ZNF804B: variants seen among roughly 807,000 people sequenced by gnomAD.
ZNF804B encodes the protein zinc finger protein 804B, also known as zinc finger 804B.
ZNF804B carries 80 observed loss-of-function variants against 101.4 expected under a neutral mutation model. That is an observed-to-expected ratio of 0.79 (90% CI 0.66 to 0.95). The LOEUF is 0.95. Ranked by LOEUF, ZNF804B falls within the 40% of genes least tolerant of loss-of-function variation. The pLI is 0.00. For synonymous variants in ZNF804B, 622 were observed against 558.8 expected, an observed-to-expected ratio of 1.11 and a Z score of -1.59; for missense variants, 1,673 against 1,561.9, an observed-to-expected ratio of 1.07 and a Z score of -1.20.
chr7:89,069,919 T>C (rs910261339), intron 1 of ZNF804B, among the ~76,000 whole-genome samples: 9 of 152,336 alleles, frequency 5.9e-5, no homozygotes, highest in South Asian at 2.1e-4. Context: ...AAATGAGATA[T>C]GCATGAAAGC....
rs137945473 is a variant in ZNF804B at position 89,094,843 on chromosome 7, T to G, written c.109-123312T>G. Reference sequence around the variant, plus strand: ...TTGCCTTACCGTGTCAGGATTTGATTCAATTAAAACTGATTGAGTAACTTT... The same window carrying G: ...TTGCCTTACCGTGTCAGGATTTGATGCAATTAAAACTGATTGAGTAACTTT... On this transcript the variant is annotated intron_variant, in intron 1 of 3. Transcript: ENST00000333190. Among the ~76,000 whole-genome samples the G allele has an allele frequency of 7.2e-5, 11 of 152,344 alleles. No homozygotes were observed. In the East Asian group the frequency reaches 2.1e-3, roughly 29 times the overall value.
chr7:89,241,586 T>C (rs992258333), intron 2 of ZNF804B, among the ~76,000 whole-genome samples: 1 of 152,164 alleles, frequency 6.6e-6, no homozygotes, highest in Non-Finnish European at 1.5e-5. Context: ...CTAGTTAAAA[T>C]AAATGCTGTC....
chr7:89,230,628 T>G (rs1789178110), intron 2 of ZNF804B, among the ~76,000 whole-genome samples: 1 of 152,098 alleles, frequency 6.6e-6, no homozygotes, highest in African/African-American at 2.4e-5. Flanking sequence ...CATGCACTAA[T>G]ATAGTCAACT....
chr7:89,036,072 A>G (rs1788922744), intron 1 of ZNF804B, among the ~76,000 whole-genome samples: 1 of 148,758 alleles, frequency 6.7e-6, no homozygotes, highest in African/African-American at 2.4e-5. Flanking sequence ...AACAAAACAC[A>G]GTATGTGGTA....
In ZNF804B at chr7:88,970,367, C is replaced by T. The variant is rs149081406; in HGVS notation, c.108+210283C>T. Among the ~76,000 whole-genome samples the T allele has an allele frequency of 4.8e-4, 71 of 148,138 alleles. No individual in the cohort carries two copies. In the East Asian group the frequency reaches 0.015, roughly 31 times the overall value. ...ATGCCCCCCCCCCACCCCCACAACC[C>T]TCTACACTGTTGTATTATAATTTTG... On this transcript the variant is annotated intron_variant, in intron 1 of 3. Transcript: ENST00000333190.
At chr7:89,251,219 G>T (rs879442997) in intron 2 of ZNF804B, among the ~76,000 whole-genome samples, 1 of 152,010 alleles carries the variant, frequency 6.6e-6, no homozygotes, top group Non-Finnish European at 1.5e-5. Flanking sequence ...AAGGTTCTTG[G>T]AACACATAAA....
At chr7:89,227,508 A>G (rs1037949729) in intron 2 of ZNF804B, among the ~76,000 whole-genome samples, 1 of 152,262 alleles carries the variant, frequency 6.6e-6, no homozygotes, top group Non-Finnish European at 1.5e-5. Context: ...GAAAGTGAAC[A>G]TATAAAATAT....
At chr7:88,897,497 T>G (rs1158683808) in intron 1 of ZNF804B, among the ~76,000 whole-genome samples, 1 of 149,870 alleles carries the variant, frequency 6.7e-6, no homozygotes, top group Non-Finnish European at 1.5e-5. Context: ...ATTCCAGAAA[T>G]GTAGGGGATT....
chr7:89,147,598 C>T (rs1452924888), intron 1 of ZNF804B, among the ~76,000 whole-genome samples: 1 of 151,956 alleles, frequency 6.6e-6, no homozygotes, highest in Non-Finnish European at 1.5e-5. Flanking sequence ...CAGTCTGTTG[C>T]CTGTTAGGAA....
At chr7:89,125,494 AAC>A (rs1482950126) in intron 1 of ZNF804B, among the ~76,000 whole-genome samples, 3 of 152,030 alleles carry the variant, frequency 2.0e-5, no homozygotes, top group Non-Finnish European at 2.9e-5. Context: ...AAAAAATTCT[AAC>A]AGTCTTAGCC....
chr7:89,332,159 A>G (rs1584129933), intron 3 of ZNF804B, among the ~76,000 whole-genome samples: 1 of 151,892 alleles, frequency 6.6e-6, no homozygotes, highest in Admixed American at 6.6e-5. Flanking sequence ...CAATATGTCT[A>G]TAATATGATT....
At chr7:89,301,703 T>A (rs572313737) in intron 2 of ZNF804B, among the ~76,000 whole-genome samples, 1 of 151,890 alleles carries the variant, frequency 6.6e-6, no homozygotes, top group African/African-American at 2.4e-5. Flanking sequence ...ATGAGAGTAA[T>A]GCATAGTAGT....
chr7:88,973,305 A>G (rs182159529), intron 1 of ZNF804B, among the ~76,000 whole-genome samples: 209 of 151,480 alleles, frequency 1.4e-3, no homozygotes, highest in Non-Finnish European at 2.3e-3. Flanking sequence ...TATTATAGAA[A>G]ACACAAAGCT....
chr7:89,006,071 A>AAT (rs1300703937), intron 1 of ZNF804B, among the ~76,000 whole-genome samples: 1 of 152,062 alleles, frequency 6.6e-6, no homozygotes, highest in Non-Finnish European at 1.5e-5. Context: ...TTTTTATGGG[A>AAT]ATATATATAT....
chr7:88,865,581 C>T (rs1212530648), intron 1 of ZNF804B, among the ~76,000 whole-genome samples: 2 of 152,042 alleles, frequency 1.3e-5, no homozygotes, highest in African/African-American at 4.8e-5. Context: ...AAAATGAAAA[C>T]AAGAAACAAA....
At chr7:88,868,786 G>A (rs1791774552) in intron 1 of ZNF804B, among the ~76,000 whole-genome samples, 1 of 152,190 alleles carries the variant, frequency 6.6e-6, no homozygotes, top group African/African-American at 2.4e-5. Flanking sequence ...GTCAAACCCA[G>A]GTTTCAGCCA....
chr7:88,792,747 G>A (rs1330213690), intron 1 of ZNF804B, among the ~76,000 whole-genome samples: 1 of 151,888 alleles, frequency 6.6e-6, no homozygotes. Context: ...TTCTTAGCTA[G>A]AAGAATTCTC....
intron 1 of ZNF804B, among the ~76,000 whole-genome samples, chr7:89,008,312 G>A (rs1001800802): frequency 2.0e-5 from 3 of 151,966 alleles, no homozygotes; most frequent in Non-Finnish European, 4.4e-5. Flanking sequence ...GTCCTACTCT[G>A]AATCATATAA....
chr7:89,296,417 G>T (rs1160698716), intron 2 of ZNF804B, among the ~76,000 whole-genome samples: 2 of 151,830 alleles, frequency 1.3e-5, no homozygotes, highest in African/African-American at 4.8e-5. Flanking sequence ...ATATATGATG[G>T]ATATCCTTAT....
Sources: gnomAD v4.1 joint callset for allele counts (sites outside exome capture counted in the v4.1 genomes callset) on GRCh38, gnomAD v4.1.1 for gene constraint, MANE v1.5 for transcripts, NCBI Gene and HGNC (gene_info 2026-07-23, HGNC 2026-07-21) for gene names.